The following VPS13B variants were observed in gnomAD, a reference collection of about 807,000 sequenced individuals.
The protein encoded by VPS13B is intermembrane lipid transfer protein VPS13B.
VPS13B carries 285 observed loss-of-function variants against 426.4 expected under a neutral mutation model. The observed-to-expected ratio is 0.67, with a 90% CI of 0.61 to 0.74. The LOEUF is 0.74. Ranked by LOEUF, VPS13B falls within the 30% of genes least tolerant of loss-of-function variation. The pLI is 0.00. For synonymous variants in VPS13B, 1,676 were observed against 1,676.4 expected, an observed-to-expected ratio of 1.00 and a Z score of 0.01; for missense variants, 4,537 against 4,782.6, an observed-to-expected ratio of 0.95 and a Z score of 1.51.
chr8:99,152,877 A>G (rs1179527496), intron 14 of VPS13B, among the ~76,000 whole-genome samples: 1 of 152,192 alleles, frequency 6.6e-6, no homozygotes, highest in Non-Finnish European at 1.5e-5. Context: ...AAGTGTCTAC[A>G]TATTTAAAGT....
rs575808142 is a variant in VPS13B at position 99,428,091 on chromosome 8, A to T, written c.3083-3446A>T. Among the ~76,000 whole-genome samples, 13 of 152,354 alleles carry T rather than the reference A, an allele frequency of 8.5e-5. No individual in the cohort carries two copies. The South Asian group carries it at 2.7e-3, about 32-fold the overall frequency. On this transcript the variant is annotated intron_variant, in intron 21 of 61. Transcript: ENST00000357162. Reference sequence around the variant, plus strand: ...GGAATACTGGCTAGCCATATGTAGAAAGCTGAAACTGGATCCCTTCCTTAC... The same window carrying T: ...GGAATACTGGCTAGCCATATGTAGATAGCTGAAACTGGATCCCTTCCTTAC...
At chr8:99,430,409 TACCTAAAATACTACATATAAA>T in intron 21 of VPS13B, among the ~76,000 whole-genome samples, 1 of 152,168 alleles carries the variant, frequency 6.6e-6, no homozygotes, top group Non-Finnish European at 1.5e-5. Flanking sequence ...ACTTTATAAG[TACCTAAAATACTACATATAAA>T]TTATGTATTT....
At chr8:99,075,773 T>G (rs1022531395) in intron 3 of VPS13B, among the ~76,000 whole-genome samples, 3 of 152,212 alleles carry the variant, frequency 2.0e-5, no homozygotes, top group Non-Finnish European at 2.9e-5. Context: ...TTTGCTCCTT[T>G]TAACATGGTT....
chr8:99,361,451 AATGG>A (rs1345972161), intron 19 of VPS13B, among the ~76,000 whole-genome samples: 1 of 152,190 alleles, frequency 6.6e-6, no homozygotes, highest in African/African-American at 2.4e-5. Context: ...TTTAGCAGGA[AATGG>A]AGAAAAGGTG....
At chr8:99,476,085 T>C (rs892042590) in intron 24 of VPS13B, among the ~76,000 whole-genome samples, 3 of 152,228 alleles carry the variant, frequency 2.0e-5, no homozygotes, top group African/African-American at 7.2e-5. Context: ...TGAAATGTTA[T>C]ATGAATATCA....
At chr8:99,422,864 A>G (rs950060493) in intron 21 of VPS13B, among the ~76,000 whole-genome samples, 4 of 152,170 alleles carry the variant, frequency 2.6e-5, no homozygotes, top group African/African-American at 9.7e-5. Context: ...AACTTTTTCT[A>G]TGTGTGGGAA....
At chr8:99,264,400 A>G (rs1472451638) in intron 17 of VPS13B, among the ~76,000 whole-genome samples, 2 of 152,074 alleles carry the variant, frequency 1.3e-5, no homozygotes, top group African/African-American at 4.8e-5. Flanking sequence ...AAAATCCTCT[A>G]GTTACCTTCC....
intron 16 of VPS13B, among the ~76,000 whole-genome samples, chr8:99,171,997 A>G (rs1364954324): frequency 6.6e-6 from 1 of 152,154 alleles, no homozygotes; most frequent in African/African-American, 2.4e-5. Flanking sequence ...AGTGGATGAG[A>G]CAGATATCCA....
chr8:99,429,600 C>T (rs1198373877), intron 21 of VPS13B: 1 of 152,116 alleles, frequency 6.6e-6, no homozygotes, highest in African/African-American at 2.4e-5. Context: ...AGTCCTAATA[C>T]CTTGGAATCA....
intron 2 of VPS13B, among the ~76,000 whole-genome samples, chr8:99,036,296 C>T (rs1345883631): frequency 6.6e-6 from 1 of 151,954 alleles, no homozygotes; most frequent in Non-Finnish European, 1.5e-5. Context: ...CTACTAATAT[C>T]CTTTGCATTA....
chr8:99,613,351 G>C (rs1431069421), intron 33 of VPS13B, among the ~76,000 whole-genome samples: 1 of 152,200 alleles, frequency 6.6e-6, no homozygotes, highest in African/African-American at 2.4e-5. Context: ...CCTGTAAGTA[G>C]ACTGAAAGTT....
Position 99,121,159 on chromosome 8 carries a change from C to G in VPS13B, c.938-18C>G, listed in dbSNP as rs1847913066. 1.9e-6 allele frequency: 3 copies of G among 1,605,768 alleles called. No individual in the cohort carries two copies. Among genetic ancestry groups the G allele is most frequent in the South Asian group, 2.2e-5 (2 of 90,222 alleles). On this transcript the variant is annotated intron_variant, in intron 7 of 61. Coordinates refer to ENST00000357162, the MANE Select transcript of VPS13B (RefSeq NM_152564.5). Reference sequence around the variant, plus strand: ...AATCCTTTTGACTTATTTAAAATGACTTAATTTTAATTGATAGGTTCTGAA... The same window carrying G: ...AATCCTTTTGACTTATTTAAAATGAGTTAATTTTAATTGATAGGTTCTGAA...
intron 33 of VPS13B, among the ~76,000 whole-genome samples, chr8:99,631,811 C>G (rs191076980): frequency 6.6e-6 from 1 of 151,556 alleles, no homozygotes; most frequent in African/African-American, 2.4e-5. Context: ...TTTTTATATC[C>G]TTAGCTAGTG....
chr8:99,544,070 C>T (rs930014826), intron 30 of VPS13B, among the ~76,000 whole-genome samples: 9 of 147,270 alleles, frequency 6.1e-5, no homozygotes, highest in African/African-American at 2.3e-4. Context: ...ACCCAAATGT[C>T]CAACAATGCT....
intron 19 of VPS13B, among the ~76,000 whole-genome samples, chr8:99,298,197 T>C (rs1047876223): frequency 1.4e-4 from 21 of 152,304 alleles, no homozygotes; most frequent in African/African-American, 5.1e-4. Flanking sequence ...ATAATTAATA[T>C]ACTTTTGTCG....
intron 34 of VPS13B, among the ~76,000 whole-genome samples, chr8:99,656,220 C>T (rs576837498): frequency 1.9e-4 from 29 of 152,252 alleles, no homozygotes; most frequent in African/African-American, 6.7e-4. Context: ...AAAGTGAAAT[C>T]GAACTCACTC....
At chr8:99,615,793 CT>C (rs1291497086) in intron 33 of VPS13B, among the ~76,000 whole-genome samples, 1 of 152,078 alleles carries the variant, frequency 6.6e-6, no homozygotes, top group Non-Finnish European at 1.5e-5. Flanking sequence ...GTTAAAGCCC[CT>C]TTCAGTTCGA....
At chr8:99,339,765 A>G (rs377727143) in intron 19 of VPS13B, among the ~76,000 whole-genome samples, 1 of 152,198 alleles carries the variant, frequency 6.6e-6, no homozygotes. Flanking sequence ...ACCAAAAATC[A>G]TGTTTCACTG....
chr8:99,324,294 A>G (rs940632993), intron 19 of VPS13B, among the ~76,000 whole-genome samples: 2 of 152,198 alleles, frequency 1.3e-5, no homozygotes, highest in African/African-American at 4.8e-5. Flanking sequence ...ACTCTAACCA[A>G]ATATTAACCT....
Sources: allele counts gnomAD v4.1 joint callset (sites outside exome capture counted in the v4.1 genomes callset), GRCh38; gene constraint gnomAD v4.1.1; transcripts MANE v1.5; gene names NCBI Gene and HGNC (gene_info 2026-07-23, HGNC 2026-07-21).